PLEC: variants seen among roughly 807,000 people sequenced by gnomAD.
The protein encoded by PLEC is plectin.
PLEC carries 216 observed loss-of-function variants against 392.8 expected under a neutral mutation model. The observed-to-expected ratio is 0.55, with a 90% CI of 0.49 to 0.62. The LOEUF (loss-of-function observed/expected upper bound fraction) is 0.62. Among genes scored for constraint, PLEC ranks in the 20% least tolerant of loss-of-function variants. The probability of loss-of-function intolerance (pLI) is 0.00; values close to 1 mark genes in which losing one functional copy is unlikely to be tolerated. For synonymous variants in PLEC, 3,621 were observed against 2,980.6 expected, an observed-to-expected ratio of 1.21 and a Z score of -7.00; for missense variants, 6,863 against 6,563.4, an observed-to-expected ratio of 1.05 and a Z score of -1.58.
At position 143,922,357 on chromosome 8, in the gene PLEC, C is replaced by T. The variant is rs560896222; in HGVS notation, c.7464G>A (p.Thr2488=). The T allele has an allele frequency of 1.5e-5, 24 of 1,604,262 alleles. No individual in the cohort carries two copies. Among genetic ancestry groups the T allele is most frequent in the Admixed American group, 1.3e-4 (8 of 60,020 alleles). The change falls in exon 32 of 32, where the codon ACG becomes ACA. Residue 2488 remains threonine, a synonymous_variant. Coordinates refer to ENST00000345136, the MANE Select transcript of PLEC (RefSeq NM_201384.3). ...AGAGGAAGCTTTGCTGCAGGGCCTGCGTCTCCTGCAGCAGCTGCTCCTGCT... is the reference window on the plus strand; with the variant it reads ...AGAGGAAGCTTTGCTGCAGGGCCTGTGTCTCCTGCAGCAGCTGCTCCTGCT... ...TVQQEQLLQE[T]QALQQSFLSE... is the part of the protein sequence containing the mutation.
rs1335440328 is a variant in PLEC, at chr8:143,917,483, T to G, written c.12338A>C (p.Gln4113Pro). The G allele has an allele frequency of 6.8e-6, 11 of 1,613,706 alleles. No individual in the cohort carries two copies. Among genetic ancestry groups the G allele is most frequent in the African/African-American group, 1.3e-5 (1 of 74,930 alleles). The change falls in exon 32 of 32, where the codon CAG becomes CCG. Residue 4113 changes from glutamine (Q) to proline (P), a missense_variant. Physicochemically the swap from Gln to Pro is moderately conservative, Grantham distance 76. Coordinates refer to ENST00000345136, the MANE Select transcript of PLEC (RefSeq NM_201384.3). ...QLMERCITDP[Q>P]TGLCLLPLKE... is the part of the protein sequence containing the mutation. ...CAGCGGCAAGAGACACAGGCCCGTC[T>G]GGGGGTCAGTGATACAACGCTCCAT...
Position 143,917,257 on chromosome 8 carries a change from G to A in PLEC, c.12564C>T (p.Gly4188=), listed in dbSNP as rs140191309. 2.3e-4 allele frequency: 370 copies of A among 1,611,586 alleles called. No individual in the cohort carries two copies. In the East Asian group the frequency reaches 7.4e-3, roughly 32 times the overall value. ...WEEITISSSD[G]VVKSMIIDRR... is the part of the protein sequence containing the mutation. ...GGTCGATGATCATGGACTTGACCACGCCGTCCGAGGAGGAGATGGTGATCT... is the reference window on the plus strand; with the variant it reads ...GGTCGATGATCATGGACTTGACCACACCGTCCGAGGAGGAGATGGTGATCT... The change falls in exon 32 of 32, where the codon GGC becomes GGT. Residue 4188 remains glycine, a synonymous_variant. Coordinates refer to ENST00000345136, the MANE Select transcript of PLEC (RefSeq NM_201384.3).
At chr8:143,946,160 C>T (rs376650286) in intron 1 of PLEC, among the ~76,000 whole-genome samples, 1 of 152,164 alleles carries the variant, frequency 6.6e-6, no homozygotes, top group Admixed American at 6.5e-5. Flanking sequence ...CACGGAGGTC[C>T]GGACAGGCCT....
Position 143,923,169 on chromosome 8 carries a change from G to A in PLEC, c.6760C>T (p.Leu2254Phe), listed in dbSNP as rs1586878428. 1.9e-6 allele frequency: 3 copies of A among 1,602,506 alleles called. No individual in the cohort carries two copies. Among genetic ancestry groups the A allele is most frequent in the Non-Finnish European group, 8.5e-7 (1 of 1,179,906 alleles). The part of the protein sequence containing the change: ...KARIEAENRA[L>F]ILRDKDNTQR... ...GTATTGTCCTTGTCACGCAAGATGA[G>A]TGCGCGGTTCTCAGCCTCGATGCGT... The change falls in exon 31 of 32, where the codon CTC becomes TTC. Residue 2254 changes from leucine to phenylalanine, a missense_variant. By Grantham distance (22) the Leu-to-Phe change is conservative. Coordinates refer to ENST00000345136, the MANE Select transcript of PLEC (RefSeq NM_201384.3).
Position 143,926,901 on chromosome 8 carries a change from G to A in PLEC, c.3946-19C>T, listed in dbSNP as rs572966971. 3 of 1,610,288 alleles carry A rather than the reference G, an allele frequency of 1.9e-6. No homozygotes were observed. The African/African-American group carries it at 4.0e-5, about 21-fold the overall frequency. The stretch of plus-strand genomic sequence containing the variant: ...CCACGTACTGTGGAGTAGAGCCAGG[G>A]TTAGCCCTGCGAGAGCTGCAGCTCC... On this transcript the variant is annotated intron_variant, in intron 29 of 31. Coordinates refer to ENST00000345136, the MANE Select transcript of PLEC (RefSeq NM_201384.3).
chr8:143,920,473 C>T lies in PLEC; in HGVS notation c.9348G>A (p.Leu3116=), dbSNP rs781918604. The part of the protein sequence containing the change: ...RDPYTGQSVS[L]FQALKKGLIP... ...TGAGGCCCTTCTTCAGGGCCTGGAACAGGGAGACGCTCTGCCCTGTGTAGG... is the reference window on the plus strand; with the variant it reads ...TGAGGCCCTTCTTCAGGGCCTGGAATAGGGAGACGCTCTGCCCTGTGTAGG... The change falls in exon 32 of 32, where the codon CTG becomes CTA. Residue 3116 remains leucine, a synonymous_variant. Coordinates refer to ENST00000345136, the MANE Select transcript of PLEC (RefSeq NM_201384.3). 2 of 1,604,662 alleles carry T rather than the reference C, an allele frequency of 1.2e-6. No individual in the cohort carries two copies. The highest frequency in any genetic ancestry group is 3.3e-5 in the Admixed American group (2 of 59,798).
At chr8:143,948,586 G>A (rs548663505) in intron 1 of PLEC, among the ~76,000 whole-genome samples, 71 of 152,366 alleles carry the variant, frequency 4.7e-4, no homozygotes, top group Admixed American at 4.2e-3. Flanking sequence ...CGGAGCTGTG[G>A]CTCGCTTCCT....
chr8:143,937,256 C>T lies in PLEC; in HGVS notation c.265-14G>A, dbSNP rs782415113. 8 of 1,603,988 alleles carry T rather than the reference C, an allele frequency of 5.0e-6. No individual in the cohort carries two copies. The African/African-American group carries it at 5.4e-5, about 11-fold the overall frequency. On this transcript the variant is annotated splice_polypyrimidine_tract_variant and intron_variant, in intron 3 of 31. Transcript: ENST00000345136. ...CTTCTCCCGGGGCTGTGGGGAGGCA[C>T]AGTCAGCACCCACAGTGCAGCTGCA...
chr8:143,937,325 A>G, intron 3 of PLEC, 83 bp from the exon 4 acceptor site: 4 of 1,047,928 alleles, frequency 3.8e-6, no homozygotes, highest in Non-Finnish European at 5.9e-6. Context: ...CGCCGCAGCA[A>G]CCGAGCCAAG....
In PLEC at chr8:143,969,477, GC is replaced by G. The variant is rs556667703; in HGVS notation, c.70+3925del. ...CTGCCAAGAGGTGTCCAGTCGCCCA[GC>G]CCCCCAAGCCTGGCCTGTGACAGCT... On this transcript the variant is annotated intron_variant, in intron 1 of 31. Transcript: ENST00000356346. This position sits in a 1 kb window ranked among gnomAD's most constrained non-coding sequence, Gnocchi z 5.1. Among the ~76,000 whole-genome samples the G allele has an allele frequency of 4.4e-4, 67 of 152,316 alleles. No homozygotes were observed. The highest frequency in any genetic ancestry group is 1.5e-3 in the African/African-American group (64 of 41,566).
At chr8:143,975,383 G>A (rs782651089), upstream of PLEC, 3 of 1,602,874 alleles carry the variant, frequency 1.9e-6, no homozygotes, top group South Asian at 2.2e-5. This position sits in a 1 kb window ranked among gnomAD's most constrained non-coding sequence, Gnocchi z 9.9. Context: ...CTCCTGGAAG[G>A]GGAGCAGGAG....
In PLEC at chr8:143,929,662, C is replaced by T. The variant is rs1554711510; in HGVS notation, c.2907G>A (p.Leu969=). The part of the protein sequence containing the change: ...GSCSHHYQQL[L]QSLEQGAQEE... Reference sequence around the variant, plus strand: ...GTGCCCTACCCTGTTCCAGGCTCTGCAGCAGCTGCTGGTAGTGGTGGCTGC... The same window carrying T: ...GTGCCCTACCCTGTTCCAGGCTCTGTAGCAGCTGCTGGTAGTGGTGGCTGC... The change falls in exon 23 of 32, where the codon CTG becomes CTA. Residue 969 remains leucine, a synonymous_variant. Transcript: ENST00000345136. 3 of 1,603,510 alleles carry T rather than the reference C, an allele frequency of 1.9e-6. No individual in the cohort carries two copies. Among genetic ancestry groups the T allele is most frequent in the Non-Finnish European group, 2.5e-6 (3 of 1,179,610 alleles).
In PLEC at chr8:143,924,039, G is replaced by C; in HGVS notation, c.5890C>G (p.Gln1964Glu). The C allele has an allele frequency of 6.3e-7, 1 of 1,595,084 alleles. No individual in the cohort carries two copies. Among genetic ancestry groups the C allele is most frequent in the Non-Finnish European group, 8.5e-7 (1 of 1,177,874 alleles). Residue 1964 changes from glutamine to glutamate, a missense_variant, in exon 31 of 32, where the codon CAG becomes GAG. Physicochemically the swap from Gln to Glu is conservative, Grantham distance 29. Coordinates refer to ENST00000345136, the MANE Select transcript of PLEC (RefSeq NM_201384.3). ...TGCCTCGCAGCCTCCAGCTCGGCCT[G>C]CTCCTTGCTGCGCAGCGTGTCCTCC... ...NAEDTLRSKE[Q>E]AELEAARQRQ...
rs1586836153 is a variant in PLEC, at chr8:143,921,234, T to A, written c.8587A>T (p.Thr2863Ser). The change falls in exon 32 of 32, where the codon ACG (threonine) becomes TCG (serine). Residue 2863 changes from threonine to serine, a missense_variant. Thr to Ser is a moderately conservative substitution (Grantham distance 58). Coordinates refer to ENST00000345136, the MANE Select transcript of PLEC (RefSeq NM_201384.3). ...CAGCGCTCCAGTAGCTGCAGGTACG[T>A]GAGGTTCTCGTGCGTGTTGGGGTCA... ...FFDPNTHENL[T>S]YLQLLERCVE... The A allele has an allele frequency of 6.2e-6, 10 of 1,613,698 alleles. No individual in the cohort carries two copies. The highest frequency in any genetic ancestry group is 1.6e-4 in the Middle Eastern group (1 of 6,084).
chr8:143,962,402 G>C (rs57138955), intron 1 of PLEC, among the ~76,000 whole-genome samples: 1 of 152,222 alleles, frequency 6.6e-6, no homozygotes, highest in Non-Finnish European at 1.5e-5. Context: ...ACAATCAAAA[G>C]ATAAATTTCT....
intron 25 of PLEC, among the ~76,000 whole-genome samples, chr8:143,928,218 GA>G (rs1235642056): frequency 6.6e-6 from 1 of 152,248 alleles, no homozygotes; most frequent in Non-Finnish European, 1.5e-5. Flanking sequence ...CCAGCCTGGA[GA>G]GGGGGTGCGC....
Position 143,917,944 on chromosome 8 carries a change from G to A in PLEC, c.11877C>T (p.Arg3959=), listed in dbSNP as rs1554673550. ...VYQAMKKGII[R]PGTAFELLEA... Reference sequence around the variant, plus strand: ...CCAGGAGCTCAAAGGCTGTGCCGGGGCGGATGATGCCCTTCTTCATGGCCT... The same window carrying A: ...CCAGGAGCTCAAAGGCTGTGCCGGGACGGATGATGCCCTTCTTCATGGCCT... Residue 3959 remains arginine, a synonymous_variant, in exon 32 of 32, where the codon CGC becomes CGT. Transcript: ENST00000345136. The A allele has an allele frequency of 1.2e-6, 2 of 1,613,016 alleles. No individual in the cohort carries two copies. The highest frequency in any genetic ancestry group is 2.2e-5 in the East Asian group (1 of 44,864).
chr8:143,975,112 C>A (rs1240192014), upstream of PLEC: 2 of 1,536,556 alleles, frequency 1.3e-6, no homozygotes, highest in African/African-American at 1.4e-5. This position sits in a 1 kb window ranked among gnomAD's most constrained non-coding sequence, Gnocchi z 9.9. Context: ...GCGCCTAGCA[C>A]GCAGCGGGAA....
rs113712055 is a variant in PLEC, at chr8:143,959,799, A to G, written c.70+13604T>C. Among the ~76,000 whole-genome samples, 1,455 of 149,848 alleles carry G rather than the reference A, an allele frequency of 9.7e-3. 11 individuals are homozygous for G. Among genetic ancestry groups the G allele is most frequent in the Non-Finnish European group, 0.015 (1,039 of 67,592 alleles). ...ATCACGAGGTCAGGAGATTGAGACC[A>G]TCCTGGCTAACACAGTGAAACCCCA... On this transcript the variant is annotated intron_variant, in intron 1 of 31. Coordinates refer to the PLEC transcript ENST00000356346.
Sources: gnomAD v4.1 joint callset for allele counts (sites outside exome capture counted in the v4.1 genomes callset) on GRCh38, gnomAD v4.1.1 for gene constraint, Gnocchi (gnomAD v3.1) non-coding constraint, MANE v1.5 for transcripts, NCBI Gene and HGNC (gene_info 2026-07-23, HGNC 2026-07-21) for gene names.